PAK5: variants seen among roughly 807,000 people sequenced by gnomAD.
The protein encoded by PAK5 is serine/threonine-protein kinase PAK 5.
A neutral mutation model predicts 65.9 loss-of-function variants in PAK5; 16 were observed. That is an observed-to-expected ratio of 0.24 (90% CI 0.16 to 0.37). PAK5 has a LOEUF of 0.37. Ranked by LOEUF, PAK5 falls within the 10% of genes least tolerant of loss-of-function variation. The pLI is 1.00. For missense variants in PAK5, 785 were observed against 903.9 expected, an observed-to-expected ratio of 0.87 and a Z score of 1.69; for synonymous variants, 371 against 354.9, an observed-to-expected ratio of 1.05 and a Z score of -0.51.
chr20:9,565,786 T>G (rs2045665488), intron 5 of PAK5, 107 bp downstream of exon 5: 7 of 1,186,500 alleles, frequency 5.9e-6, no homozygotes, highest in Non-Finnish European at 8.4e-6. Flanking sequence ...TTTGTCTTTA[T>G]ATTTTCAGTG....
At chr20:9,832,746 T>G (rs1481630468) in intron 1 of PAK5, among the ~76,000 whole-genome samples, 3 of 152,386 alleles carry the variant, frequency 2.0e-5, no homozygotes, top group Middle Eastern at 6.8e-3. Context: ...ATTGTTATTT[T>G]AATTTGCATT....
intron 3 of PAK5, among the ~76,000 whole-genome samples, chr20:9,640,952 A>G (rs2047050541): frequency 6.6e-6 from 1 of 152,198 alleles, no homozygotes; most frequent in Non-Finnish European, 1.5e-5. Flanking sequence ...AAGCTTCCAC[A>G]GTGTGGAAGT....
At chr20:9,713,178 T>C (rs993572916) in intron 1 of PAK5, among the ~76,000 whole-genome samples, 4 of 151,748 alleles carry the variant, frequency 2.6e-5, no homozygotes, top group African/African-American at 9.7e-5. Flanking sequence ...TAGCAAATAA[T>C]AATCCAATTA....
At chr20:9,576,499 C>T (rs923110797) in intron 4 of PAK5, among the ~76,000 whole-genome samples, 3 of 152,100 alleles carry the variant, frequency 2.0e-5, no homozygotes, top group Admixed American at 6.6e-5. Context: ...ACAGGACAGC[C>T]TCCCACAATG....
rs114802124 is a variant in PAK5, at chr20:9,686,771, A to G, written c.-12+24515T>C. ...CCACCTGGGATGGATTCCCTTTCTT[A>G]TCTGTGTCCTGACTGATACATTCTT... is the stretch of plus-strand genomic sequence containing the variant. On this transcript the variant is annotated intron_variant, in intron 2 of 9. Transcript: ENST00000353224. Among the ~76,000 whole-genome samples, 130 of 152,220 alleles carry G rather than the reference A, an allele frequency of 8.5e-4. 1 individual carries two copies. Among genetic ancestry groups the G allele is most frequent in the African/African-American group, 3.0e-3 (125 of 41,542 alleles).
At chr20:9,743,447 C>A (rs1168565372) in intron 1 of PAK5, among the ~76,000 whole-genome samples, 1 of 151,434 alleles carries the variant, frequency 6.6e-6, no homozygotes, top group East Asian at 1.9e-4. Context: ...CAAAAACAAC[C>A]CTGAAAAGCC....
chr20:9,659,523 T>C (rs1219179251), intron 2 of PAK5, among the ~76,000 whole-genome samples: 1 of 152,182 alleles, frequency 6.6e-6, no homozygotes, highest in Non-Finnish European at 1.5e-5. Context: ...CTTAAAGTTA[T>C]GGTAGAAATA....
intron 1 of PAK5, among the ~76,000 whole-genome samples, chr20:9,746,069 A>C (rs1031899014): frequency 9.9e-5 from 15 of 152,188 alleles, no homozygotes; most frequent in Non-Finnish European, 2.1e-4. Flanking sequence ...CTCATCTCCC[A>C]TACAGAGAAT....
chr20:9,569,278 G>A (rs912705719), intron 4 of PAK5, among the ~76,000 whole-genome samples: 1 of 152,190 alleles, frequency 6.6e-6, no homozygotes, highest in East Asian at 1.9e-4. Flanking sequence ...GTTTGGGAGA[G>A]TGATTAGACA....
rs6133751 is a variant in PAK5, at chr20:9,828,212, C to T, written c.-162+10550G>A. ...TACTTGGAATCTGAAAGAGATAGCA[C>T]ACAACCTGCAGGTAGGTAGCTGTTA... On this transcript the variant is annotated intron_variant, in intron 1 of 9. Transcript: ENST00000353224. Among the ~76,000 whole-genome samples, 3 of 152,308 alleles carry T rather than the reference C, an allele frequency of 2.0e-5. No homozygotes were observed. In the East Asian group the frequency reaches 5.8e-4, roughly 29 times the overall value.
At chr20:9,713,115 C>A (rs1051091533) in intron 1 of PAK5, among the ~76,000 whole-genome samples, 1 of 152,002 alleles carries the variant, frequency 6.6e-6, no homozygotes, top group African/African-American at 2.4e-5. Context: ...TGCAAACCAT[C>A]CATCTGACAA....
intron 1 of PAK5, among the ~76,000 whole-genome samples, chr20:9,820,268 A>G (rs2049403966): frequency 6.6e-6 from 1 of 152,236 alleles, no homozygotes. Flanking sequence ...AGTTAGAAAT[A>G]AGTAGAAGGA....
At chr20:9,767,170 A>G (rs1185673915) in intron 1 of PAK5, among the ~76,000 whole-genome samples, 1 of 152,164 alleles carries the variant, frequency 6.6e-6, no homozygotes, top group Non-Finnish European at 1.5e-5. Flanking sequence ...GGCCACATGC[A>G]GTTATGTCAT....
Position 9,539,340 on chromosome 20 carries a change from G to T in PAK5, c.*122C>A. ...TCTGTTGAACCCTGCCGGTCATCAC[G>T]CTGTCCCACCAATTGGCTGGTCTAG... On this transcript the variant is annotated 3_prime_UTR_variant, in exon 10 of 10. Transcript: ENST00000353224. 2 of 899,846 alleles carry T rather than the reference G, an allele frequency of 2.2e-6. No homozygotes were observed. The highest frequency in any genetic ancestry group is 3.5e-6 in the Non-Finnish European group (2 of 569,878). The allele number at this position is 899,846 out of a possible 1,614,324, so 55.7% of individuals were successfully genotyped here.
intron 1 of PAK5, among the ~76,000 whole-genome samples, chr20:9,757,883 C>T (rs16996383): frequency 0.16 from 24,624 of 152,174 alleles, 2,284 homozygotes; most frequent in East Asian, 0.28. Flanking sequence ...TATTATCTCA[C>T]ACCACGTAAC....
At chr20:9,694,238 T>C (rs2047837069) in intron 2 of PAK5, among the ~76,000 whole-genome samples, 1 of 152,058 alleles carries the variant, frequency 6.6e-6, no homozygotes, top group African/African-American at 2.4e-5. Flanking sequence ...GTTTTAAGTA[T>C]AAAACGAAAG....
At chr20:9,692,853 C>T (rs1434722709) in intron 2 of PAK5, among the ~76,000 whole-genome samples, 4 of 152,028 alleles carry the variant, frequency 2.6e-5, no homozygotes, top group African/African-American at 7.2e-5. Context: ...GGATTTCTTC[C>T]ATCTCCAGTT....
At chr20:9,741,941 A>G in intron 1 of PAK5, among the ~76,000 whole-genome samples, 1 of 152,130 alleles carries the variant, frequency 6.6e-6, no homozygotes, top group Admixed American at 6.6e-5. Context: ...TACCCTTGGA[A>G]GTAGCTACTC....
chr20:9,836,422 G>A (rs1295537564), intron 1 of PAK5, among the ~76,000 whole-genome samples: 1 of 152,228 alleles, frequency 6.6e-6, no homozygotes, highest in Non-Finnish European at 1.5e-5. Context: ...CACAGGGACA[G>A]AGACAGAGAG....
Sources: gnomAD v4.1 joint callset for allele counts (sites outside exome capture counted in the v4.1 genomes callset) on GRCh38, gnomAD v4.1.1 for gene constraint, MANE v1.5 for transcripts, NCBI Gene and HGNC (gene_info 2026-07-23, HGNC 2026-07-21) for gene names.